ANKRD30A: variants seen among roughly 807,000 people sequenced by gnomAD.
The protein encoded by ANKRD30A is ankyrin repeat domain-containing protein 30A.
A neutral mutation model predicts 166.3 loss-of-function variants in ANKRD30A; 170 were observed. The ratio of observed to expected loss-of-function variants is 1.02; its 90% CI spans 0.90 to 1.16. The LOEUF is 1.16. ANKRD30A is among the 50% of genes most tolerant of loss of function. ANKRD30A has a pLI of 0.00. For missense variants in ANKRD30A, 1,630 were observed against 1,518.0 expected, an observed-to-expected ratio of 1.07 and a Z score of -1.23; for synonymous variants, 564 against 508.9, an observed-to-expected ratio of 1.11 and a Z score of -1.46.
chr10:37,146,960 C>G (rs1837550077), intron 8 of ANKRD30A, among the ~76,000 whole-genome samples: 1 of 150,884 alleles, frequency 6.6e-6, no homozygotes, highest in Non-Finnish European at 1.5e-5. Context: ...ATAACTACCT[C>G]TAATATTTTT....
chr10:37,196,065 C>A (rs1416830877), intron 27 of ANKRD30A, among the ~76,000 whole-genome samples: 3 of 148,058 alleles, frequency 2.0e-5, no homozygotes, highest in Non-Finnish European at 3.0e-5. Context: ...AAGAATTCTA[C>A]AGAGTTAGAG....
intron 3 of ANKRD30A, among the ~76,000 whole-genome samples, chr10:37,130,970 G>A (rs1471127514): frequency 1.3e-5 from 2 of 151,964 alleles, no homozygotes; most frequent in Admixed American, 6.6e-5. Flanking sequence ...ACAGTTGATA[G>A]GTATTTATAA....
the ANKRD30A span, among the ~76,000 whole-genome samples, chr10:37,255,195 A>T: frequency 1.3e-5 from 2 of 152,162 alleles, no homozygotes; most frequent in African/African-American, 4.8e-5. Flanking sequence ...GCATGTTCTC[A>T]TTTAAAAATG....
At chr10:37,260,037 T>C in the ANKRD30A span, among the ~76,000 whole-genome samples, 1 of 152,002 alleles carries the variant, frequency 6.6e-6, no homozygotes, top group Non-Finnish European at 1.5e-5. Flanking sequence ...AGTGGCCGAA[T>C]GCTTAACAAT....
At chr10:37,216,009 A>G (rs1842583842) in intron 31 of ANKRD30A, among the ~76,000 whole-genome samples, 172 bp from the exon 32 acceptor site, 1 of 151,188 alleles carries the variant, frequency 6.6e-6, no homozygotes, top group Non-Finnish European at 1.5e-5. Context: ...AAGCTAAACA[A>G]GAGGAGAGGT....
intron 9 of ANKRD30A, 82 bp from the exon 10 acceptor site, chr10:37,149,569 A>T: frequency 6.8e-7 from 1 of 1,475,818 alleles, no homozygotes; most frequent in Non-Finnish European, 9.3e-7. Context: ...AAGAGGAATC[A>T]GTTACATACT....
At position 37,219,298 on chromosome 10, in the gene ANKRD30A, G is replaced by T; in HGVS notation, c.3586G>T (p.Glu1196Ter). The T allele has an allele frequency of 6.2e-7, 1 of 1,610,348 alleles. No individual in the cohort carries two copies. The highest frequency in any genetic ancestry group is 8.5e-7 in the Non-Finnish European group (1 of 1,177,576). Reference sequence around the variant, plus strand: ...CAAAGAAATACTAGAGGCAGAAATTGAATCACACCATCCTAGACTGGCTTC... The same window carrying T: ...CAAAGAAATACTAGAGGCAGAAATTTAATCACACCATCCTAGACTGGCTTC... ...QDKEILEAEI[E>*]SHHPRLASAV... Residue 1196 changes from glutamate to a stop codon, truncating the protein, a stop_gained, in exon 34 of 36, where the codon GAA (glutamate) becomes TAA (stop). Transcript: ENST00000361713. LOFTEE classifies it high-confidence loss of function.
At position 37,132,282 on chromosome 10, in the gene ANKRD30A, G is replaced by C; in HGVS notation, c.553G>C (p.Glu185Gln). ...PLLLSITKRS[E>Q]QIVEFLLIKN... Reference sequence around the variant, plus strand: ...TTTACTATCCATAACGAAAAGAAGTGAGCAAATTGTGGAATTTTTGCTGAT... The same window carrying C: ...TTTACTATCCATAACGAAAAGAAGTCAGCAAATTGTGGAATTTTTGCTGAT... Residue 185 changes from glutamate to glutamine, a missense_variant, in exon 4 of 36, where the codon GAG becomes CAG. Around this residue, in one of 4 missense-constraint regions of ANKRD30A, gnomAD observed 904 missense variants for 818.5 expected, o/e 1.10. Transcript: ENST00000361713. 2 of 1,607,146 alleles carry C rather than the reference G, an allele frequency of 1.2e-6. No individual in the cohort carries two copies. Among genetic ancestry groups the C allele is most frequent in the Non-Finnish European group, 1.7e-6 (2 of 1,176,792 alleles).
chr10:37,265,321 A>C, the ANKRD30A span, among the ~76,000 whole-genome samples: 1 of 152,132 alleles, frequency 6.6e-6, no homozygotes, highest in African/African-American at 2.4e-5. Flanking sequence ...TTACCAAGGA[A>C]GCTGTGCAAG....
chr10:37,201,066 A>C (rs558378682), intron 30 of ANKRD30A, among the ~76,000 whole-genome samples, 169 bp from the exon 31 acceptor site: 3 of 152,002 alleles, frequency 2.0e-5, no homozygotes, highest in Non-Finnish European at 4.4e-5. Context: ...AGAGAGGGTT[A>C]TGTGAGGTTT....
chr10:37,143,727 A>T (rs1187698979), intron 7 of ANKRD30A, among the ~76,000 whole-genome samples: 1 of 152,098 alleles, frequency 6.6e-6, no homozygotes, highest in African/African-American at 2.4e-5. Context: ...GGGTGAAAGC[A>T]GTCATAGATA....
intron 24 of ANKRD30A, among the ~76,000 whole-genome samples, chr10:37,177,986 CGT>C (rs1839863927): frequency 6.7e-6 from 1 of 149,998 alleles, no homozygotes; most frequent in Non-Finnish European, 1.5e-5. Context: ...TATTCCAAGA[CGT>C]GAGGAAAATG....
At chr10:37,235,441 CTT>C, downstream of ANKRD30A, among the ~76,000 whole-genome samples, 1 of 152,220 alleles carries the variant, frequency 6.6e-6, no homozygotes, top group East Asian at 1.9e-4. Context: ...AATGTGCAAA[CTT>C]ATTTGATTAT....
intron 25 of ANKRD30A, among the ~76,000 whole-genome samples, chr10:37,190,463 A>G (rs1292122043): frequency 1.3e-5 from 2 of 151,824 alleles, no homozygotes; most frequent in African/African-American, 4.9e-5. Flanking sequence ...AATGCAATAG[A>G]AATTATAGAT....
chr10:37,199,045 C>G (rs139928183), intron 29 of ANKRD30A, among the ~76,000 whole-genome samples: 6 of 152,026 alleles, frequency 3.9e-5, no homozygotes, highest in African/African-American at 1.2e-4. Context: ...ATACATTTCT[C>G]ATGTTTCTCC....
chr10:37,203,407 C>G (rs1048077483), intron 31 of ANKRD30A, among the ~76,000 whole-genome samples: 2 of 152,166 alleles, frequency 1.3e-5, no homozygotes, highest in African/African-American at 4.8e-5. Flanking sequence ...TCAATAGATG[C>G]AGAAAAGGCC....
chr10:37,194,111 G>A (rs191140203), intron 27 of ANKRD30A, among the ~76,000 whole-genome samples: 1 of 151,944 alleles, frequency 6.6e-6, no homozygotes, highest in Admixed American at 6.6e-5. Context: ...CAGGAGAATG[G>A]CTTGAACGTA....
chr10:37,263,451 T>TA, the ANKRD30A span, among the ~76,000 whole-genome samples: 32 of 151,744 alleles, frequency 2.1e-4, no homozygotes, highest in African/African-American at 6.3e-4. Flanking sequence ...CTCACCATAA[T>TA]ACAGAATCAG....
chr10:37,197,251 G>A, intron 27 of ANKRD30A, 30 bp from the exon 28 acceptor site: 2 of 1,607,390 alleles, frequency 1.2e-6, no homozygotes, highest in Non-Finnish European at 1.7e-6. Flanking sequence ...ATTTACTTAT[G>A]ATTGATGATA....
Sources: allele counts gnomAD v4.1 joint callset (sites outside exome capture counted in the v4.1 genomes callset), GRCh38; gene constraint gnomAD v4.1.1; regional missense constraint gnomAD v4.1.1; transcripts MANE v1.5; gene names NCBI Gene and HGNC (gene_info 2026-07-23, HGNC 2026-07-21).